The following ENTPD1 variants were observed in gnomAD, a reference collection of about 807,000 sequenced individuals.
ENTPD1 encodes the protein ATP diphosphohydrolase.
A neutral mutation model predicts 57.0 loss-of-function variants in ENTPD1; 33 were observed. That is an observed-to-expected ratio of 0.58 (90% CI 0.44 to 0.77). ENTPD1 has a LOEUF of 0.77. Among genes scored for constraint, ENTPD1 ranks in the 30% least tolerant of loss-of-function variants. The probability of loss-of-function intolerance (pLI) is 0.00; values close to 1 mark genes in which losing one functional copy is unlikely to be tolerated. For missense variants in ENTPD1, 501 were observed against 603.4 expected, an observed-to-expected ratio of 0.83 and a Z score of 1.78; for synonymous variants, 202 against 218.8, an observed-to-expected ratio of 0.92 and a Z score of 0.68.
chr10:95,699,621 A>C, the ENTPD1 span, among the ~76,000 whole-genome samples: 2 of 151,816 alleles, frequency 1.3e-5, no homozygotes, highest in African/African-American at 4.8e-5. Flanking sequence ...AAAAAGAAAG[A>C]GAGAGATTGA....
intron 1 of ENTPD1, among the ~76,000 whole-genome samples, chr10:95,778,034 T>C (rs113133567): frequency 0.032 from 4,843 of 152,240 alleles, 104 homozygotes; most frequent in South Asian, 0.08. Flanking sequence ...GTCCTGTTTT[T>C]CCAGGTACCA....
chr10:95,876,432 A>G lies in ENTPD1; in HGVS notation c.*10049A>G, dbSNP rs1012431200. On this transcript the variant is annotated 3_prime_UTR_variant, in exon 10 of 10. Coordinates refer to ENST00000371205, the MANE Select transcript of ENTPD1 (RefSeq NM_001776.6). The stretch of plus-strand genomic sequence containing the variant: ...TGTTCCCTTTCTCCTCGGTTCTGCA[A>G]TCTATAGGCATACCATAATTGTAAT... 2.0e-5 allele frequency: 25 copies of G among 1,231,248 alleles called. No individual in the cohort carries two copies. The highest frequency in any genetic ancestry group is 2.3e-5 in the Non-Finnish European group (23 of 987,708). 76.3% of individuals were successfully genotyped at this position (1,231,248 alleles called of 1,614,324 possible).
chr10:95,837,953 G>T (rs2098413984), intron 2 of ENTPD1, among the ~76,000 whole-genome samples: 1 of 129,988 alleles, frequency 7.7e-6, no homozygotes, highest in African/African-American at 3.1e-5. Flanking sequence ...TATGTAGGGA[G>T]ATTCACACAC....
chr10:95,737,899 C>A lies in ENTPD1; in HGVS notation c.37+25906C>A, dbSNP rs144264077. On this transcript the variant is annotated intron_variant, in intron 1 of 9. Coordinates refer to the ENTPD1 transcript ENST00000453258. Reference sequence around the variant, plus strand: ...GAAAATCTATAACTATGATAGGTGGCCAAATTAGCTGGAAAAATGTTTGAC... The same window carrying A: ...GAAAATCTATAACTATGATAGGTGGACAAATTAGCTGGAAAAATGTTTGAC... 8.3e-4 allele frequency among the ~76,000 whole-genome samples: 127 copies of A among 152,240 alleles called. No homozygotes were observed. In the East Asian group the frequency reaches 0.024, roughly 28 times the overall value.
chr10:95,758,068 T>C (rs2098037818), intron 1 of ENTPD1, among the ~76,000 whole-genome samples: 1 of 149,842 alleles, frequency 6.7e-6, no homozygotes, highest in East Asian at 2.0e-4. Flanking sequence ...CTTCTGGTTT[T>C]TCTTCCAACC....
chr10:95,842,207 C>G (rs1415866908), intron 3 of ENTPD1, 137 bp from the exon 4 acceptor site: 6 of 787,158 alleles, frequency 7.6e-6, no homozygotes, highest in Non-Finnish European at 1.0e-5. Context: ...CCTCTAAGTA[C>G]AATAACCTAA....
chr10:95,845,747 G>A (rs980442336), intron 6 of ENTPD1, 151 bp downstream of exon 6: 53 of 1,308,782 alleles, frequency 4.0e-5, no homozygotes, highest in Non-Finnish European at 4.6e-5. Flanking sequence ...ACTACATCTG[G>A]TTGACCCCTA....
chr10:95,838,490 A>G (rs2098415814), intron 2 of ENTPD1, among the ~76,000 whole-genome samples: 1 of 152,246 alleles, frequency 6.6e-6, no homozygotes, highest in East Asian at 1.9e-4. Context: ...AAGATGAACT[A>G]CTGATACACA....
upstream of ENTPD1, among the ~76,000 whole-genome samples, chr10:95,710,697 G>C (rs1013345294): frequency 1.3e-5 from 2 of 152,084 alleles, no homozygotes; most frequent in African/African-American, 4.8e-5. Context: ...CAAGGGAAGA[G>C]GGGTTTCTAC....
Position 95,869,404 on chromosome 10 carries a change from C to A in ENTPD1, c.*3021C>A. The A allele has an allele frequency of 1.5e-6, 1 of 662,308 alleles. No individual in the cohort carries two copies. Among genetic ancestry groups the A allele is most frequent in the Non-Finnish European group, 1.9e-6 (1 of 535,270 alleles). 41.0% of individuals were successfully genotyped at this position (662,308 alleles called of 1,614,324 possible). A position where few individuals can be genotyped will look rare whatever the true frequency, so the allele number is the denominator to read the frequency against. Reference sequence around the variant, plus strand: ...AGCTGGGATTGCAGGTGCCCACCACCACACCCGGCTAATTTTTGTATTTTT... The same window carrying A: ...AGCTGGGATTGCAGGTGCCCACCACAACACCCGGCTAATTTTTGTATTTTT... On this transcript the variant is annotated 3_prime_UTR_variant, in exon 10 of 10. Transcript: ENST00000371205.
At chr10:95,723,687 T>A (rs1346045286) in intron 1 of ENTPD1, among the ~76,000 whole-genome samples, 1 of 152,166 alleles carries the variant, frequency 6.6e-6, no homozygotes, top group Non-Finnish European at 1.5e-5. Flanking sequence ...GGCACACACA[T>A]GGGCAACTGT....
At chr10:95,811,420 C>A (rs550762964) in intron 1 of ENTPD1, among the ~76,000 whole-genome samples, 1 of 152,304 alleles carries the variant, frequency 6.6e-6, no homozygotes, top group Non-Finnish European at 1.5e-5. Context: ...CCACTTTACT[C>A]TGAACTGGAA....
At chr10:95,750,407 T>A (rs1356584919) in intron 1 of ENTPD1, among the ~76,000 whole-genome samples, 1 of 152,128 alleles carries the variant, frequency 6.6e-6, no homozygotes, top group Non-Finnish European at 1.5e-5. Context: ...ATCTGGTTGT[T>A]TAAGAGTCTG....
At chr10:95,825,901 C>T (rs1395214620) in intron 2 of ENTPD1, among the ~76,000 whole-genome samples, 1 of 152,158 alleles carries the variant, frequency 6.6e-6, no homozygotes, top group African/African-American at 2.4e-5. Context: ...TGAGAGCACA[C>T]AATGACATGA....
At chr10:95,798,944 A>G (rs1046620572) in intron 1 of ENTPD1, among the ~76,000 whole-genome samples, 1 of 152,216 alleles carries the variant, frequency 6.6e-6, no homozygotes, top group African/African-American at 2.4e-5. Context: ...CATGTGAGCA[A>G]GAAGCACACA....
intron 1 of ENTPD1, among the ~76,000 whole-genome samples, chr10:95,727,568 C>T (rs2097984981): frequency 1.3e-5 from 2 of 152,194 alleles, no homozygotes; most frequent in African/African-American, 4.8e-5. Flanking sequence ...ATCTCTCTAC[C>T]TCCAATCCCA....
chr10:95,804,281 A>C (rs2098263045), intron 1 of ENTPD1, among the ~76,000 whole-genome samples: 1 of 152,212 alleles, frequency 6.6e-6, no homozygotes, highest in African/African-American at 2.4e-5. Context: ...TTGAATCTAC[A>C]AATTACCTTG....
chr10:95,848,818 G>A (rs2098440082), intron 7 of ENTPD1, among the ~76,000 whole-genome samples: 1 of 152,150 alleles, frequency 6.6e-6, no homozygotes, highest in South Asian at 2.1e-4. Context: ...AATATAGTTA[G>A]TTTAGACTAA....
intron 1 of ENTPD1, among the ~76,000 whole-genome samples, chr10:95,804,688 T>G (rs1050575582): frequency 3.3e-5 from 5 of 152,248 alleles, no homozygotes; most frequent in Non-Finnish European, 7.3e-5. Context: ...CTGGCCTGAT[T>G]GCCCTGTCCA....
Sources: allele counts gnomAD v4.1 joint callset (sites outside exome capture counted in the v4.1 genomes callset), GRCh38; gene constraint gnomAD v4.1.1; transcripts MANE v1.5; gene names NCBI Gene and HGNC (gene_info 2026-07-23, HGNC 2026-07-21).